The following ZNF345 variants were observed in gnomAD, a reference collection of about 807,000 sequenced individuals.
ZNF345 encodes zinc finger protein HZF10.
For synonymous variants in ZNF345, 166 were observed against 187.9 expected (o/e 0.88, Z 0.95); for missense variants, 527 against 589.9 (o/e 0.89, Z 1.10).
intron 2 of ZNF345, among the ~76,000 whole-genome samples, chr19:36,867,175 G>C (rs531914483): frequency 4.6e-5 from 7 of 152,230 alleles, no homozygotes; most frequent in African/African-American, 1.4e-4. Context: ...CCAACATTTG[G>C]AATAGTCACA....
At chr19:36,881,456 TA>T (rs1166522976), downstream of ZNF345, among the ~76,000 whole-genome samples, 1 of 152,138 alleles carries the variant, frequency 6.6e-6, no homozygotes, top group African/African-American at 2.4e-5. Context: ...AAATGGGTAT[TA>T]TATAAGGGAT....
chr19:36,881,249 C>G (rs1346585018), downstream of ZNF345, among the ~76,000 whole-genome samples: 1 of 152,158 alleles, frequency 6.6e-6, no homozygotes, highest in Non-Finnish European at 1.5e-5. Context: ...TAATTTCAGA[C>G]TTCTGGATTA....
chr19:36,884,128 C>T (rs1220156015), downstream of ZNF345, among the ~76,000 whole-genome samples: 2 of 152,116 alleles, frequency 1.3e-5, no homozygotes, highest in Admixed American at 6.5e-5. Flanking sequence ...TGCAGTGGCA[C>T]GATCTCGGCT....
rs200748250 is a variant in ZNF345 at position 36,891,602 on chromosome 19, G to A, written c.47-1216G>A. On this transcript the variant is annotated intron_variant, in intron 3 of 3. Coordinates refer to the ZNF345 transcript ENST00000526123. Reference sequence around the variant, plus strand: ...TCACCAGTGTGAATTCTCTGATGTCGAGTAAGATTTGAGCCTTTATTAAAG... The same window carrying A: ...TCACCAGTGTGAATTCTCTGATGTCAAGTAAGATTTGAGCCTTTATTAAAG... 35 of 1,608,186 alleles carry A rather than the reference G, an allele frequency of 2.2e-5. No homozygotes were observed. In the East Asian group the frequency reaches 2.3e-4, roughly 10 times the overall value.
downstream of ZNF345, among the ~76,000 whole-genome samples, chr19:36,883,156 G>A (rs1016493607): frequency 6.6e-6 from 1 of 152,028 alleles, no homozygotes. Context: ...AACCCAATTT[G>A]TTTTTGTATT....
intron 2 of ZNF345, among the ~76,000 whole-genome samples, chr19:36,867,165 C>T (rs1345105937): frequency 6.6e-6 from 1 of 152,148 alleles, no homozygotes. Flanking sequence ...CACATCTTTA[C>T]CAACATTTGG....
At chr19:36,873,245 T>A (rs2072806119) in intron 2 of ZNF345, among the ~76,000 whole-genome samples, 1 of 152,144 alleles carries the variant, frequency 6.6e-6, no homozygotes, top group Admixed American at 6.5e-5. Flanking sequence ...GTTGTGACTT[T>A]TGAGGTTTTC....
In ZNF345 at chr19:36,877,367, T is replaced by C; in HGVS notation, c.537T>C (p.Cys179=). ...AGAAGCCTTATGAGTGTAAGGAATG[T>C]GGGAAGTCCTTTAGTTTTGAATCAG... The part of the protein sequence containing the change: ...SGEKPYECKE[C]GKSFSFESAL... The change falls in exon 3 of 3, where the codon TGT becomes TGC. Residue 179 remains cysteine, a synonymous_variant. Transcript: ENST00000420450. The C allele has an allele frequency of 1.2e-6, 2 of 1,614,158 alleles. No homozygotes were observed. The highest frequency in any genetic ancestry group is 1.7e-6 in the Non-Finnish European group (2 of 1,180,034).
intron 2 of ZNF345, among the ~76,000 whole-genome samples, chr19:36,857,236 T>C (rs2146131601): frequency 6.6e-6 from 1 of 152,104 alleles, no homozygotes; most frequent in Non-Finnish European, 1.5e-5. Context: ...CTAGTGCTTG[T>C]TTTTTTCCTT....
At chr19:36,866,546 G>A (rs1037701161) in intron 2 of ZNF345, among the ~76,000 whole-genome samples, 18 of 95,358 alleles carry the variant, frequency 1.9e-4, no homozygotes, top group African/African-American at 1.3e-3. Flanking sequence ...GTTCTTTTAA[G>A]TTTTGTTTTG....
intron 2 of ZNF345, among the ~76,000 whole-genome samples, chr19:36,874,033 A>G (rs907813961): frequency 2.0e-5 from 3 of 152,084 alleles, no homozygotes. Flanking sequence ...TGATTGTTAG[A>G]CTTTTATGGG....
At chr19:36,863,145 T>C (rs1038435576) in intron 2 of ZNF345, 6 of 152,232 alleles carry the variant, frequency 3.9e-5, no homozygotes, top group African/African-American at 7.2e-5. Flanking sequence ...CCTAGCAAAC[T>C]AATACGGTGA....
chr19:36,886,161 T>C (rs1222190474), intron 3 of ZNF345, among the ~76,000 whole-genome samples: 26 of 152,264 alleles, frequency 1.7e-4, no homozygotes, highest in Non-Finnish European at 3.7e-4. Flanking sequence ...AATAACTAAA[T>C]AAATGGAGAA....
intron 3 of ZNF345, chr19:36,892,252 CCAA>C: frequency 6.2e-7 from 1 of 1,614,002 alleles, no homozygotes; most frequent in Non-Finnish European, 8.5e-7. Flanking sequence ...GTGTTTTTCA[CCAA>C]AATGAATTCT....
intron 2 of ZNF345, among the ~76,000 whole-genome samples, chr19:36,866,511 A>G (rs519455): frequency 0.067 from 10,202 of 152,026 alleles, 930 homozygotes; most frequent in African/African-American, 0.21. Context: ...TTTTAAACTT[A>G]TGTAAATTGA....
chr19:36,868,063 T>C (rs144606071), intron 2 of ZNF345, among the ~76,000 whole-genome samples: 2,465 of 147,290 alleles, frequency 0.017, 74 homozygotes, highest in African/African-American at 0.059. Flanking sequence ...AGTGCAGTGG[T>C]GAAATCTCTG....
chr19:36,856,654 G>T (rs1399648500), intron 2 of ZNF345, among the ~76,000 whole-genome samples: 1 of 152,050 alleles, frequency 6.6e-6, no homozygotes. Context: ...TCAGGAATTT[G>T]AGACCAGCCT....
At chr19:36,887,109 A>G (rs1276441198) in intron 3 of ZNF345, among the ~76,000 whole-genome samples, 1 of 152,070 alleles carries the variant, frequency 6.6e-6, no homozygotes, top group Non-Finnish European at 1.5e-5. Context: ...CAGAGATTGC[A>G]GTGAGCTGAG....
intron 2 of ZNF345, among the ~76,000 whole-genome samples, chr19:36,866,997 A>C (rs1213316307): frequency 6.6e-6 from 1 of 152,214 alleles, no homozygotes; most frequent in Non-Finnish European, 1.5e-5. Flanking sequence ...AACTGTTATG[A>C]ACATTGTAGT....
Sources: allele counts gnomAD v4.1 joint callset (sites outside exome capture counted in the v4.1 genomes callset), GRCh38; gene constraint gnomAD v4.1.1; transcripts MANE v1.5; gene names NCBI Gene and HGNC (gene_info 2026-07-23, HGNC 2026-07-21).